FOXP1: variants seen among roughly 807,000 people sequenced by gnomAD.
FOXP1 encodes forkhead box protein P1.
FOXP1 carries 15 observed loss-of-function variants against 98.2 expected under a neutral mutation model. The observed-to-expected ratio is 0.15, with a 90% CI of 0.10 to 0.24. FOXP1 has a LOEUF of 0.24. FOXP1 is among the 10% of genes least tolerant of loss of function. The pLI is 1.00. For synonymous variants in FOXP1, 371 were observed against 314.5 expected, an observed-to-expected ratio of 1.18 and a Z score of -1.90; for missense variants, 633 against 848.5, an observed-to-expected ratio of 0.75 and a Z score of 3.15.
At chr3:71,460,575 T>C (rs1177898925) in intron 3 of FOXP1, among the ~76,000 whole-genome samples, 1 of 152,156 alleles carries the variant, frequency 6.6e-6, no homozygotes, top group African/African-American at 2.4e-5. Flanking sequence ...TAGCTGGGAC[T>C]ACAGGTGCAC....
At chr3:71,197,086 T>C (rs1050160074) in intron 6 of FOXP1, among the ~76,000 whole-genome samples, 1 of 152,154 alleles carries the variant, frequency 6.6e-6, no homozygotes, top group Admixed American at 6.5e-5. Context: ...ATAGCTTGTC[T>C]CCAAGTTGCA....
intron 3 of FOXP1, among the ~76,000 whole-genome samples, chr3:71,393,309 G>T (rs889507520): frequency 6.6e-6 from 1 of 151,390 alleles, no homozygotes; most frequent in African/African-American, 2.4e-5. Context: ...ATCAAAAATT[G>T]ATCCTCAGTT....
chr3:70,966,155 T>G, intron 19 of FOXP1, 99 bp from the exon 20 acceptor site: 1 of 1,096,386 alleles, frequency 9.1e-7, no homozygotes, highest in East Asian at 2.4e-5. Context: ...TTTGAGTTAA[T>G]TGTAGCATGG....
intron 5 of FOXP1, chr3:71,292,787 C>G (rs1039132134): frequency 6.6e-6 from 1 of 152,152 alleles, no homozygotes; most frequent in Non-Finnish European, 1.5e-5. Flanking sequence ...TTGACAAGGG[C>G]AGAAAGACTT....
At chr3:71,301,988 C>A (rs564530929) in intron 4 of FOXP1, among the ~76,000 whole-genome samples, 85 of 152,186 alleles carry the variant, frequency 5.6e-4, no homozygotes, top group African/African-American at 1.9e-3. Context: ...TAAAACAATA[C>A]GAAACTGACT....
At chr3:71,045,714 A>C (rs573877254) in intron 10 of FOXP1, among the ~76,000 whole-genome samples, 17 of 152,192 alleles carry the variant, frequency 1.1e-4, no homozygotes, top group Non-Finnish European at 1.8e-4. Flanking sequence ...ACTAAAAACA[A>C]AATCAGCCTC....
At chr3:71,159,207 C>T (rs1183072076) in intron 6 of FOXP1, among the ~76,000 whole-genome samples, 1 of 151,720 alleles carries the variant, frequency 6.6e-6, no homozygotes, top group African/African-American at 2.4e-5. Flanking sequence ...AAAGGACCTG[C>T]TTCCTGATTT....
At chr3:70,998,041 GAA>G (rs1199972437) in intron 13 of FOXP1, among the ~76,000 whole-genome samples, 9 of 152,216 alleles carry the variant, frequency 5.9e-5, no homozygotes, top group Non-Finnish European at 1.2e-4. Flanking sequence ...TGGCTAAGAA[GAA>G]AGAGATAAAA....
chr3:71,156,252 T>G (rs55683682), intron 6 of FOXP1, among the ~76,000 whole-genome samples: 1 of 151,916 alleles, frequency 6.6e-6, no homozygotes, highest in African/African-American at 2.4e-5. Flanking sequence ...GCTCTGGGAA[T>G]GAAGGATGGG....
At chr3:71,087,076 A>G (rs1307417024) in intron 7 of FOXP1, among the ~76,000 whole-genome samples, 2 of 152,208 alleles carry the variant, frequency 1.3e-5, no homozygotes, top group Admixed American at 6.5e-5. Flanking sequence ...AACATGAAAC[A>G]AAGTGAGATA....
At chr3:71,372,208 G>A (rs2107991400) in intron 3 of FOXP1, among the ~76,000 whole-genome samples, 1 of 147,954 alleles carries the variant, frequency 6.8e-6, no homozygotes, top group African/African-American at 2.5e-5. Flanking sequence ...TTTTAGTAGA[G>A]ACAGGGTTTT....
At chr3:71,009,155 C>CGGGGGG (rs10546380) in intron 12 of FOXP1, among the ~76,000 whole-genome samples, 1 of 20,798 alleles carries the variant, frequency 4.8e-5, no homozygotes, top group Non-Finnish European at 1.3e-4. Flanking sequence ...ATCATGGGGG[C>CGGGGGG]GGGGGGGGGG....
intron 11 of FOXP1, among the ~76,000 whole-genome samples, chr3:71,027,224 T>A (rs1020087405): frequency 4.6e-5 from 7 of 152,154 alleles, no homozygotes; most frequent in Non-Finnish European, 7.3e-5. Flanking sequence ...TGTCCATATG[T>A]TAGAGGAACC....
chr3:71,025,429 T>C (rs2045981860), intron 11 of FOXP1, among the ~76,000 whole-genome samples: 2 of 152,160 alleles, frequency 1.3e-5, no homozygotes, highest in African/African-American at 4.8e-5. Context: ...TTCCCTGATC[T>C]GTATCTGACC....
At chr3:71,519,337 A>C (rs1347452861) in intron 2 of FOXP1, among the ~76,000 whole-genome samples, 1 of 152,234 alleles carries the variant, frequency 6.6e-6, no homozygotes, top group Non-Finnish European at 1.5e-5. Context: ...GAAAGGTAAA[A>C]CTGCGGAGAC....
Position 70,965,993 on chromosome 3 carries a change from C to T in FOXP1, c.1786G>A (p.Gly596Ser). ...TTASMGNPTL[G>S]NLASAIREEL... ...TCCCGTATTGCGCTGGCTAAGTTGC[C>T]CAGAGTGGGATTTCCCATGGAAGCG... The change falls in exon 20 of 21, where the codon GGC becomes AGC. Residue 596 changes from glycine to serine, a missense_variant. Around this residue, in one of 6 missense-constraint regions of FOXP1, gnomAD observed 150 missense variants for 163.7 expected, o/e 0.92. Transcript: ENST00000649528. The T allele has an allele frequency of 2.5e-6, 4 of 1,614,004 alleles. No homozygotes were observed. The highest frequency in any genetic ancestry group is 3.4e-6 in the Non-Finnish European group (4 of 1,179,990).
In FOXP1 at chr3:70,958,209, AG is replaced by A. The variant is rs1037537383; in HGVS notation, c.*1037del. On this transcript the variant is annotated 3_prime_UTR_variant, in exon 21 of 21. Coordinates refer to ENST00000649528, the MANE Select transcript of FOXP1 (RefSeq NM_001349338.3). ...TAATGGTTGCTGCAAAAAAAAAAAA[AG>A]AAAAGAAAAGAAAAAAAGAAAATCC... The A allele has an allele frequency of 5.2e-5, 23 of 442,490 alleles. No homozygotes were observed. The highest frequency in any genetic ancestry group is 1.1e-4 in the South Asian group (5 of 47,282). The allele number at this position is 442,490 out of a possible 1,614,324, so 27.4% of individuals were successfully genotyped here. A position where few individuals can be genotyped will look rare whatever the true frequency, so the allele number is the denominator to read the frequency against.
chr3:71,139,089 G>T (rs2107982674), intron 6 of FOXP1, among the ~76,000 whole-genome samples: 1 of 152,218 alleles, frequency 6.6e-6, no homozygotes, highest in East Asian at 1.9e-4. Flanking sequence ...ACATCTACAG[G>T]AAATTTTCTT....
intron 6 of FOXP1, among the ~76,000 whole-genome samples, chr3:71,165,684 T>C (rs1376943386): frequency 2.0e-5 from 3 of 152,040 alleles, no homozygotes; most frequent in Non-Finnish European, 2.9e-5. Context: ...CAGGTGTCGA[T>C]TTAAGCCAAA....
Sources: gnomAD v4.1 joint callset for allele counts (sites outside exome capture counted in the v4.1 genomes callset) on GRCh38, gnomAD v4.1.1 for gene constraint, gnomAD v4.1.1 regional missense constraint, MANE v1.5 for transcripts, NCBI Gene and HGNC (gene_info 2026-07-23, HGNC 2026-07-21) for gene names.